Variants in SPOP observed in about 807,000 individuals in gnomAD.
SPOP encodes the protein speckle-type POZ protein.
Under a neutral mutation model 45.6 loss-of-function variants are expected in SPOP, and 11 were observed. The ratio of observed to expected loss-of-function variants is 0.24; its 90% CI spans 0.15 to 0.40. The LOEUF (loss-of-function observed/expected upper bound fraction) is 0.40. SPOP is among the 10% of genes least tolerant of loss of function. The probability of loss-of-function intolerance (pLI) is 1.00; values close to 1 mark genes in which losing one functional copy is unlikely to be tolerated. For missense variants in SPOP, 152 were observed against 465.6 expected, an observed-to-expected ratio of 0.33 and a Z score of 6.20; for synonymous variants, 166 against 166.3, an observed-to-expected ratio of 1.00 and a Z score of 0.01.
At chr17:49,677,486 T>C (rs1176674005) in intron 1 of SPOP, among the ~76,000 whole-genome samples, 1 of 152,238 alleles carries the variant, frequency 6.6e-6, no homozygotes, top group East Asian at 1.9e-4. Flanking sequence ...GCAGCAAGTC[T>C]AGCCCACAGC....
chr17:49,639,456 A>G (rs943544068), intron 1 of SPOP, among the ~76,000 whole-genome samples: 1 of 152,166 alleles, frequency 6.6e-6, no homozygotes, highest in African/African-American at 2.4e-5. Context: ...GTTCATTAAC[A>G]GCCAAAAACT....
intron 1 of SPOP, among the ~76,000 whole-genome samples, chr17:49,667,244 T>G (rs571246256): frequency 7.2e-6 from 1 of 138,520 alleles, no homozygotes; most frequent in Non-Finnish European, 1.6e-5. Flanking sequence ...AAAAAAAAAA[T>G]TTTTTTTTAA....
chr17:49,663,527 TTGA>T (rs1180744702), intron 1 of SPOP, among the ~76,000 whole-genome samples: 66 of 152,354 alleles, frequency 4.3e-4, no homozygotes, highest in African/African-American at 1.6e-3. Flanking sequence ...AAGAATGTTC[TTGA>T]TGAAGCAATA....
intron 3 of SPOP, 108 bp downstream of exon 3, chr17:49,621,838 C>A: frequency 7.9e-7 from 1 of 1,269,698 alleles, no homozygotes; most frequent in South Asian, 1.4e-5. Context: ...AAGAACAAAA[C>A]AAAAGTCCTG....
chr17:49,627,670 A>G (rs1296947392), intron 1 of SPOP, among the ~76,000 whole-genome samples: 1 of 152,252 alleles, frequency 6.6e-6, no homozygotes, highest in Non-Finnish European at 1.5e-5. Context: ...CCAAATTTTA[A>G]TAACTGGTTT....
chr17:49,678,127 C>A, upstream of SPOP: 1 of 395,216 alleles, frequency 2.5e-6, no homozygotes, highest in Non-Finnish European at 4.5e-6. Flanking sequence ...GCAGCCAGCG[C>A]GTACCGCCAG....
In SPOP at chr17:49,599,639, T is replaced by C; in HGVS notation, c.*739A>G. 4.7e-6 allele frequency: 1 copy of C among 213,062 alleles called. No homozygotes were observed. Among genetic ancestry groups the C allele is most frequent in the Non-Finnish European group, 9.5e-6 (1 of 105,146 alleles). 13.2% of individuals were successfully genotyped at this position (213,062 alleles called of 1,614,324 possible). On this transcript the variant is annotated 3_prime_UTR_variant, in exon 10 of 10. Transcript: ENST00000504102. ...GTTCTTGTCAAGACAATATGAATTC[T>C]GGATGAGTTATTTTTTCCAGTTTTC...
chr17:49,660,305 T>A (rs1042921807), intron 1 of SPOP, among the ~76,000 whole-genome samples: 3 of 152,190 alleles, frequency 2.0e-5, no homozygotes, highest in African/African-American at 7.2e-5. Flanking sequence ...AGAGTGCTAG[T>A]TCTCTCCTGC....
intron 8 of SPOP, among the ~76,000 whole-genome samples, chr17:49,605,614 T>C (rs912928042): frequency 7.2e-5 from 11 of 151,966 alleles, no homozygotes; most frequent in Non-Finnish European, 1.6e-4. Flanking sequence ...TGCTTGAACC[T>C]GGGAGGCGGA....
rs2143093405 is a variant in SPOP, at chr17:49,599,963, TTC to T, written c.*413_*414del. 1 of 232,522 alleles carries T rather than the reference TTC, an allele frequency of 4.3e-6. No individual in the cohort carries two copies. Among genetic ancestry groups the T allele is most frequent in the South Asian group, 1.7e-4 (1 of 5,864 alleles). The allele number at this position is 232,522 out of a possible 1,614,324, so 14.4% of individuals were successfully genotyped here. On this transcript the variant is annotated 3_prime_UTR_variant, in exon 10 of 10. Coordinates refer to ENST00000504102, the MANE Select transcript of SPOP (RefSeq NM_001007228.2). The stretch of plus-strand genomic sequence containing the variant: ...TTTTGAGAAATTCTGCAAAAATCTT[TTC>T]TTCTTTCCTTTTCCCTTCTGTTAAA...
intron 1 of SPOP, among the ~76,000 whole-genome samples, chr17:49,647,443 G>A (rs762548292): frequency 2.0e-5 from 3 of 150,578 alleles, no homozygotes; most frequent in Non-Finnish European, 4.4e-5. Context: ...TCCTGGGAAC[G>A]AATCCTATGT....
intron 1 of SPOP, among the ~76,000 whole-genome samples, chr17:49,637,011 A>G (rs1230302682): frequency 4.6e-5 from 7 of 152,274 alleles, no homozygotes; most frequent in African/African-American, 1.7e-4. Flanking sequence ...CCAGAAGTTC[A>G]AGACCAGCCT....
chr17:49,659,621 TAA>T (rs1242790708), intron 1 of SPOP, among the ~76,000 whole-genome samples: 1 of 152,186 alleles, frequency 6.6e-6, no homozygotes, highest in Non-Finnish European at 1.5e-5. Flanking sequence ...CTTTCACCAT[TAA>T]GTTTGTCCTA....
rs990519305 is a variant in SPOP, at chr17:49,664,189, T to C, written c.-67+13744A>G. ...TAACACTTGTCAAGTTTTGGTGTAG[T>C]ATCAGAGAAGAATATGCACAATTGT... On this transcript the variant is annotated intron_variant, in intron 1 of 9. Coordinates refer to ENST00000504102, the MANE Select transcript of SPOP (RefSeq NM_001007228.2). Among the ~76,000 whole-genome samples the C allele has an allele frequency of 5.3e-5, 8 of 152,328 alleles. No homozygotes were observed. In the East Asian group the frequency reaches 1.5e-3, roughly 29 times the overall value.
intron 1 of SPOP, among the ~76,000 whole-genome samples, chr17:49,640,243 AC>A (rs1159675766): frequency 6.6e-6 from 1 of 151,550 alleles, no homozygotes; most frequent in Admixed American, 6.6e-5. Flanking sequence ...ACAGAGTGAG[AC>A]CCCGTCTCAA....
Position 49,621,980 on chromosome 17 carries a change from T to G in SPOP, c.166A>C (p.Thr56Pro). ...TTATCATTTGCTCCTGATGAAAATG[T>G]AGAACTTTTAATGACTTCACCCATT... ...EEMGEVIKSS[T>P]FSSGANDKLK... Residue 56 changes from threonine to proline, a missense_variant, in exon 3 of 10, where the codon ACA becomes CCA. Thr to Pro is a conservative substitution (Grantham distance 38). Around this residue, in one of 3 missense-constraint regions of SPOP, gnomAD observed 28 missense variants for 176.8 expected, o/e 0.16. Transcript: ENST00000504102. 1 of 1,614,000 alleles carries G rather than the reference T, an allele frequency of 6.2e-7. No individual in the cohort carries two copies.
chr17:49,609,184 T>C (rs567975207), intron 6 of SPOP, among the ~76,000 whole-genome samples: 1 of 152,066 alleles, frequency 6.6e-6, no homozygotes, highest in Non-Finnish European at 1.5e-5. Context: ...GCTGGGATTA[T>C]AGGCATGAGC....
intron 1 of SPOP, among the ~76,000 whole-genome samples, chr17:49,632,826 C>T (rs905527532): frequency 6.6e-6 from 1 of 152,174 alleles, no homozygotes; most frequent in African/African-American, 2.4e-5. Flanking sequence ...GAGGGAAATC[C>T]TTAGCATCTA....
intron 1 of SPOP, among the ~76,000 whole-genome samples, chr17:49,653,820 A>G (rs2143500703): frequency 6.7e-6 from 1 of 149,226 alleles, no homozygotes; most frequent in East Asian, 1.9e-4. Flanking sequence ...AATATATAAT[A>G]TAAATATAAT....
Sources: gnomAD v4.1 joint callset for allele counts (sites outside exome capture counted in the v4.1 genomes callset) on GRCh38, gnomAD v4.1.1 for gene constraint, gnomAD v4.1.1 regional missense constraint, MANE v1.5 for transcripts, NCBI Gene and HGNC (gene_info 2026-07-23, HGNC 2026-07-21) for gene names.